The following ENOX1 variants were observed in gnomAD, a reference collection of about 807,000 sequenced individuals.
The protein encoded by ENOX1 is candidate growth-related and time keeping constitutive hydroquinone (NADH) oxidase.
Under a neutral mutation model 82.5 loss-of-function variants are expected in ENOX1, and 42 were observed. The ratio of observed to expected loss-of-function variants is 0.51; its 90% CI spans 0.40 to 0.66. The LOEUF is 0.66. Among genes scored for constraint, ENOX1 ranks in the 30% least tolerant of loss-of-function variants. The probability of loss-of-function intolerance (pLI) is 0.00; values close to 1 mark genes in which losing one functional copy is unlikely to be tolerated. For missense variants in ENOX1, 608 were observed against 811.6 expected (o/e 0.75, Z 3.05); for synonymous variants, 271 against 282.2 (o/e 0.96, Z 0.40).
At chr13:43,684,576 C>A (rs562416428) in intron 1 of ENOX1, among the ~76,000 whole-genome samples, 1 of 152,296 alleles carries the variant, frequency 6.6e-6, no homozygotes, top group African/African-American at 2.4e-5. Context: ...CTAATCCACA[C>A]TAGTGACAGT....
At chr13:43,435,905 G>A (rs1383786101) in intron 3 of ENOX1, among the ~76,000 whole-genome samples, 1 of 147,246 alleles carries the variant, frequency 6.8e-6, no homozygotes, top group African/African-American at 2.5e-5. Flanking sequence ...GAATGGAGAA[G>A]AATATGGTCT....
chr13:43,400,190 T>C (rs1323154), intron 5 of ENOX1, among the ~76,000 whole-genome samples: 67,217 of 151,742 alleles, frequency 0.44, 17,852 homozygotes, highest in East Asian at 0.82. Context: ...GTCCAGACAT[T>C]TTACCATATT....
At chr13:43,299,889 C>A (rs1323099704) in intron 11 of ENOX1, among the ~76,000 whole-genome samples, 2 of 152,182 alleles carry the variant, frequency 1.3e-5, no homozygotes, top group Non-Finnish European at 2.9e-5. Context: ...TGTCAGAGGA[C>A]CAAATCAAGG....
intron 3 of ENOX1, among the ~76,000 whole-genome samples, chr13:43,444,129 G>A (rs1031489437): frequency 1.3e-5 from 2 of 152,128 alleles, no homozygotes; most frequent in Non-Finnish European, 1.5e-5. Context: ...GTGAATTGAG[G>A]AAAAGCAAAA....
chr13:43,524,521 TC>T (rs1168834701), intron 2 of ENOX1, among the ~76,000 whole-genome samples: 1 of 152,048 alleles, frequency 6.6e-6, no homozygotes. Context: ...CCATCATGCC[TC>T]CCTGGCTTGC....
intron 1 of ENOX1, among the ~76,000 whole-genome samples, chr13:43,701,893 T>C (rs1460557993): frequency 1.3e-5 from 2 of 152,196 alleles, no homozygotes; most frequent in Non-Finnish European, 2.9e-5. Context: ...TATGTATATA[T>C]ATAGTTTTAC....
intron 2 of ENOX1, among the ~76,000 whole-genome samples, chr13:43,600,757 C>A (rs771484034): frequency 3.6e-4 from 55 of 152,168 alleles, no homozygotes; most frequent in Non-Finnish European, 7.5e-4. Flanking sequence ...TCACACAGCA[C>A]AATCCCAATA....
intron 8 of ENOX1, among the ~76,000 whole-genome samples, chr13:43,355,425 C>T (rs569002573): frequency 2.4e-4 from 36 of 152,298 alleles, no homozygotes; most frequent in South Asian, 1.5e-3. Flanking sequence ...TTTCTATCCT[C>T]GATGGACCCT....
chr13:43,241,333 T>A (rs1224466179), intron 14 of ENOX1, among the ~76,000 whole-genome samples: 1 of 152,212 alleles, frequency 6.6e-6, no homozygotes, highest in Non-Finnish European at 1.5e-5. Flanking sequence ...AGAAGAATGA[T>A]GAGTCTACCA....
intron 2 of ENOX1, among the ~76,000 whole-genome samples, chr13:43,660,614 T>G (rs150160781): frequency 6.6e-6 from 1 of 152,308 alleles, no homozygotes; most frequent in Non-Finnish European, 1.5e-5. Context: ...ATGTCTCTAT[T>G]TCAAAACAGT....
At chr13:43,554,844 T>G (rs1053308003) in intron 2 of ENOX1, among the ~76,000 whole-genome samples, 2 of 152,210 alleles carry the variant, frequency 1.3e-5, no homozygotes, top group African/African-American at 2.4e-5. Flanking sequence ...CCTCTCAAAG[T>G]GCTGGGATTA....
intron 1 of ENOX1, among the ~76,000 whole-genome samples, chr13:43,701,809 C>G (rs980480535): frequency 1.3e-5 from 2 of 151,932 alleles, no homozygotes; most frequent in Non-Finnish European, 2.9e-5. Context: ...AGTATGATAC[C>G]CTTATACAGA....
At chr13:43,283,294 T>C (rs1371748055) in intron 12 of ENOX1, among the ~76,000 whole-genome samples, 1 of 152,156 alleles carries the variant, frequency 6.6e-6, no homozygotes, top group Non-Finnish European at 1.5e-5. Flanking sequence ...TAGGTTGTTC[T>C]CTTTTTTTCT....
intron 8 of ENOX1, 88 bp from the exon 9 acceptor site, chr13:43,344,838 C>T: frequency 7.8e-7 from 1 of 1,284,474 alleles, no homozygotes. Flanking sequence ...AGAGCATAGT[C>T]CAACCTAGTG....
chr13:43,312,948 G>T (rs1481646728), intron 11 of ENOX1, among the ~76,000 whole-genome samples: 3 of 152,146 alleles, frequency 2.0e-5, no homozygotes, highest in African/African-American at 7.2e-5. Context: ...GGCTACCTTT[G>T]CCTCTAAAAG....
At chr13:43,705,330 C>CATATA (rs2087194617) in intron 1 of ENOX1, among the ~76,000 whole-genome samples, 1 of 129,864 alleles carries the variant, frequency 7.7e-6, no homozygotes, top group East Asian at 2.2e-4. Flanking sequence ...CTCTCTCTCT[C>CATATA]TATATATATA....
intron 2 of ENOX1, among the ~76,000 whole-genome samples, chr13:43,580,995 T>C (rs2080695790): frequency 6.6e-6 from 1 of 152,160 alleles, no homozygotes; most frequent in Admixed American, 6.5e-5. Context: ...ATATGATAGA[T>C]GAATTTATTT....
intron 12 of ENOX1, among the ~76,000 whole-genome samples, chr13:43,287,741 T>TTTAGTCTTTGTATC (rs1166192818): frequency 6.6e-6 from 1 of 152,180 alleles, no homozygotes; most frequent in Admixed American, 6.5e-5. Context: ...CATCTTCATT[T>TTTAGTCTTTGTATC]TTAGTCTTTG....
At chr13:43,393,697 T>C (rs934703764) in intron 5 of ENOX1, among the ~76,000 whole-genome samples, 5 of 152,142 alleles carry the variant, frequency 3.3e-5, no homozygotes, top group Non-Finnish European at 5.9e-5. Flanking sequence ...GAATTATACA[T>C]GAAACAAGGA....
Sources: allele counts gnomAD v4.1 joint callset (sites outside exome capture counted in the v4.1 genomes callset), GRCh38; gene constraint gnomAD v4.1.1; transcripts MANE v1.5; gene names NCBI Gene and HGNC (gene_info 2026-07-23, HGNC 2026-07-21).